GTF2IRD1: variants seen among roughly 807,000 people sequenced by gnomAD.
The protein encoded by GTF2IRD1 is GTF2I repeat domain containing 1, also known as general transcription factor II-I repeat domain-containing protein 1.
A neutral mutation model predicts 113.2 loss-of-function variants in GTF2IRD1; 26 were observed. That is an observed-to-expected ratio of 0.23 (90% CI 0.17 to 0.32). GTF2IRD1 has a LOEUF of 0.32. GTF2IRD1 is among the 10% of genes least tolerant of loss of function. GTF2IRD1 has a pLI of 1.00. For synonymous variants in GTF2IRD1, 484 were observed against 529.1 expected (o/e 0.91, Z 1.17); for missense variants, 864 against 1,280.8 (o/e 0.67, Z 4.97).
intron 22 of GTF2IRD1, among the ~76,000 whole-genome samples, chr7:74,566,915 A>T (rs1800354029): frequency 6.6e-6 from 1 of 152,134 alleles, no homozygotes; most frequent in East Asian, 1.9e-4. Flanking sequence ...CTCTGGTCTC[A>T]TCCACACAGG....
chr7:74,572,158 T>G (rs1317330473), intron 22 of GTF2IRD1, among the ~76,000 whole-genome samples: 5 of 152,162 alleles, frequency 3.3e-5, no homozygotes, highest in African/African-American at 1.2e-4. Flanking sequence ...GAGGATGACC[T>G]GAGCCAGGCC....
At chr7:74,572,683 C>A (rs372191109) in intron 22 of GTF2IRD1, 2 of 242,820 alleles carry the variant, frequency 8.2e-6, no homozygotes, top group Non-Finnish European at 1.3e-5. Context: ...TTCCCCACCC[C>A]CTCTCTACCC....
intron 22 of GTF2IRD1, among the ~76,000 whole-genome samples, chr7:74,588,651 C>T (rs1282843999): frequency 1.3e-5 from 2 of 152,008 alleles, no homozygotes; most frequent in African/African-American, 2.4e-5. Context: ...CTACCTCACC[C>T]TCCTGAGTAG....
At chr7:74,503,646 G>C (rs1796148706) in intron 1 of GTF2IRD1, among the ~76,000 whole-genome samples, 1 of 152,178 alleles carries the variant, frequency 6.6e-6, no homozygotes. Flanking sequence ...CTACGGGGGA[G>C]GCTGAGGCAG....
chr7:74,491,824 A>G lies in GTF2IRD1; in HGVS notation c.-6-16251A>G, dbSNP rs144114103. On this transcript the variant is annotated intron_variant, in intron 1 of 26. Coordinates refer to ENST00000424337, the MANE Select transcript of GTF2IRD1 (RefSeq NM_005685.4). The stretch of plus-strand genomic sequence containing the variant: ...GTGTCTTTATTGTAGAATGATTTCT[A>G]TTCCTTTGGGTATATACCCAGTAAG... 2.9e-3 allele frequency among the ~76,000 whole-genome samples: 449 copies of G among 152,266 alleles called. 1 individual carries two copies. Among genetic ancestry groups the G allele is most frequent in the African/African-American group, 7.7e-3 (321 of 41,564 alleles).
intron 1 of GTF2IRD1, among the ~76,000 whole-genome samples, chr7:74,503,396 G>T (rs1308632178): frequency 6.6e-6 from 1 of 152,174 alleles, no homozygotes; most frequent in African/African-American, 2.4e-5. Context: ...CTTCCCAGTG[G>T]ACTTCCCTCC....
chr7:74,535,043 C>T lies in GTF2IRD1; in HGVS notation c.1275-70C>T. The T allele has an allele frequency of 5.5e-6, 7 of 1,267,216 alleles. 1 individual carries two copies. Among genetic ancestry groups the T allele is most frequent in the South Asian group, 4.8e-5 (4 of 84,006 alleles). The allele number at this position is 1,267,216 out of a possible 1,614,324, so 78.5% of individuals were successfully genotyped here. A position where few individuals can be genotyped will look rare whatever the true frequency, so the allele number is the denominator to read the frequency against. On this transcript the variant is annotated intron_variant, in intron 9 of 26. Coordinates refer to ENST00000424337, the MANE Select transcript of GTF2IRD1 (RefSeq NM_005685.4). ...GACCATCACCAAAGGGGACTGGAGG[C>T]ATCTCCCCGAGCCCTGGGAGAGTCC...
At chr7:74,539,463 A>C (rs1471159483) in intron 13 of GTF2IRD1, among the ~76,000 whole-genome samples, 4 of 151,218 alleles carry the variant, frequency 2.6e-5, no homozygotes, top group African/African-American at 9.7e-5. Context: ...AAAAGAAATG[A>C]CTGGGCGCAG....
In GTF2IRD1 at chr7:74,475,994, T is replaced by C. The variant is rs552434249; in HGVS notation, c.-7+21818T>C. On this transcript the variant is annotated intron_variant, in intron 1 of 26. Transcript: ENST00000424337. ...ACCCACTGATGAGCATCTGCCAAGATGTCTGTGTGCGTGGAGGTGGCAGGT... is the reference window on the plus strand; with the variant it reads ...ACCCACTGATGAGCATCTGCCAAGACGTCTGTGTGCGTGGAGGTGGCAGGT... Among the ~76,000 whole-genome samples, 206 of 152,292 alleles carry C rather than the reference T, an allele frequency of 1.4e-3. 1 individual carries two copies. Among genetic ancestry groups the C allele is most frequent in the African/African-American group, 4.6e-3 (193 of 41,570 alleles).
intron 14 of GTF2IRD1, 65 bp from the exon 15 acceptor site, chr7:74,544,687 TGAC>T: frequency 6.7e-7 from 1 of 1,503,136 alleles, no homozygotes; most frequent in Non-Finnish European, 9.2e-7. Context: ...CTATCTGGCC[TGAC>T]GTCGGCAGTG....
At chr7:74,493,442 G>T (rs1383725475) in intron 1 of GTF2IRD1, among the ~76,000 whole-genome samples, 2 of 152,018 alleles carry the variant, frequency 1.3e-5, no homozygotes, top group African/African-American at 4.8e-5. Context: ...GCATGTGATG[G>T]CATTTAGAGC....
chr7:74,571,614 C>T (rs1336246359), intron 22 of GTF2IRD1, among the ~76,000 whole-genome samples: 1 of 152,220 alleles, frequency 6.6e-6, no homozygotes, highest in Non-Finnish European at 1.5e-5. Flanking sequence ...GTAATCCCAG[C>T]ACTTTGGGAG....
chr7:74,521,700 T>C (rs1554346026), intron 7 of GTF2IRD1, among the ~76,000 whole-genome samples: 2 of 152,146 alleles, frequency 1.3e-5, no homozygotes, highest in Non-Finnish European at 2.9e-5. Flanking sequence ...AGTTGGAGGC[T>C]GCAGTGAGCT....
intron 1 of GTF2IRD1, among the ~76,000 whole-genome samples, chr7:74,460,554 C>A (rs1793294707): frequency 6.6e-6 from 1 of 152,084 alleles, no homozygotes; most frequent in African/African-American, 2.4e-5. Flanking sequence ...CTTGGTCGGG[C>A]CTCCTCCAGC....
Position 74,557,627 on chromosome 7 carries a change from T to C in GTF2IRD1, c.2024-12T>C, listed in dbSNP as rs1799679137. ...CAACAGCCCAAACCCATAATCGTTTTGCGCTTTGCAGAAAATTATGACGCG... is the reference window on the plus strand; with the variant it reads ...CAACAGCCCAAACCCATAATCGTTTCGCGCTTTGCAGAAAATTATGACGCG... On this transcript the variant is annotated splice_polypyrimidine_tract_variant and intron_variant, in intron 19 of 26. Transcript: ENST00000424337. 1.1e-5 allele frequency: 17 copies of C among 1,606,268 alleles called. No homozygotes were observed. The highest frequency in any genetic ancestry group is 1.4e-5 in the Non-Finnish European group (17 of 1,173,198).
At chr7:74,565,626 C>T (rs1554360458) in intron 22 of GTF2IRD1, among the ~76,000 whole-genome samples, 2 of 152,038 alleles carry the variant, frequency 1.3e-5, no homozygotes, top group Non-Finnish European at 2.9e-5. Context: ...ACCCTCTACC[C>T]AGGTAGCTGC....
intron 17 of GTF2IRD1, among the ~76,000 whole-genome samples, chr7:74,549,139 G>A (rs1258116254): frequency 6.6e-6 from 1 of 151,774 alleles, no homozygotes; most frequent in African/African-American, 2.4e-5. Flanking sequence ...AAAATACACA[G>A]ATTAGCCAGG....
rs543470719 is a variant in GTF2IRD1 at position 74,495,622 on chromosome 7, C to T, written c.-6-12453C>T. Among the ~76,000 whole-genome samples the T allele has an allele frequency of 3.2e-4, 49 of 152,236 alleles. 1 individual carries two copies. In the South Asian group the frequency reaches 9.5e-3, roughly 30 times the overall value. On this transcript the variant is annotated intron_variant, in intron 1 of 26. Transcript: ENST00000424337. ...AGGAGCCAGTGCATGGGGGCTCTGA[C>T]ACCTCCACATCCTGGAGGAGGAGGG...
intron 16 of GTF2IRD1, among the ~76,000 whole-genome samples, chr7:74,546,063 C>T (rs1798908930): frequency 6.6e-6 from 1 of 151,986 alleles, no homozygotes; most frequent in Admixed American, 6.6e-5. Flanking sequence ...CCACTCCCTC[C>T]CCTGTAATGT....
Sources: gnomAD v4.1 joint callset for allele counts (sites outside exome capture counted in the v4.1 genomes callset) on GRCh38, gnomAD v4.1.1 for gene constraint, MANE v1.5 for transcripts, NCBI Gene and HGNC (gene_info 2026-07-23, HGNC 2026-07-21) for gene names.